SCN9A: variants seen among roughly 807,000 people sequenced by gnomAD.
The protein encoded by SCN9A is sodium voltage-gated channel alpha subunit 9.
A neutral mutation model predicts 187.0 loss-of-function variants in SCN9A; 131 were observed. The observed-to-expected ratio is 0.70, with a 90% CI of 0.61 to 0.81. SCN9A has a LOEUF of 0.81. Among genes scored for constraint, SCN9A ranks in the 30% least tolerant of loss-of-function variants. The pLI is 0.00. For missense variants in SCN9A, 2,252 were observed against 2,396.6 expected, an observed-to-expected ratio of 0.94 and a Z score of 1.26; for synonymous variants, 809 against 808.6, an observed-to-expected ratio of 1.00 and a Z score of -0.01.
At chr2:166,316,689 G>A (rs538700995) in intron 1 of SCN9A, among the ~76,000 whole-genome samples, 3 of 152,292 alleles carry the variant, frequency 2.0e-5, no homozygotes, top group African/African-American at 7.2e-5. Context: ...GCGAGACTCC[G>A]TCTCAAATAA....
chr2:166,293,239 A>G lies in SCN9A; in HGVS notation c.1099T>C (p.Tyr367His), dbSNP rs200457046. Reference sequence around the variant, plus strand: ...TTTCTCTTGGTACTCACCTGTTGGTAAAGGTTTTCCCAGTAATCTTGGGTC... The same window carrying G: ...TTTCTCTTGGTACTCACCTGTTGGTGAAGGTTTTCCCAGTAATCTTGGGTC... ...LMTQDYWENL[Y>H]QQTLRAAGKT... The change falls in exon 9 of 27, where the codon TAC becomes CAC. Residue 367 changes from tyrosine (Y) to histidine (H), a missense_variant. By Grantham distance (83) the Tyr-to-His change is moderately conservative. Around this residue, in one of 7 missense-constraint regions of SCN9A, gnomAD observed 1,013 missense variants for 997.4 expected, o/e 1.02. Transcript: ENST00000642356. 1.2e-4 allele frequency: 197 copies of G among 1,582,176 alleles called. No homozygotes were observed. Among genetic ancestry groups the G allele is most frequent in the Admixed American group, 1.6e-4 (9 of 55,360 alleles).
intron 1 of SCN9A, among the ~76,000 whole-genome samples, chr2:166,368,987 CAAA>C (rs1329733105): frequency 1.6e-5 from 2 of 122,750 alleles, no homozygotes; most frequent in Non-Finnish European, 3.5e-5. Context: ...AACTCGGTCT[CAAA>C]AAAAAAAAAA....
At chr2:166,275,354 G>C (rs538141709) in intron 16 of SCN9A, among the ~76,000 whole-genome samples, 1 of 152,044 alleles carries the variant, frequency 6.6e-6, no homozygotes, top group South Asian at 2.1e-4. Context: ...GGAGGCGACG[G>C]AGGCTGGATC....
chr2:166,231,620 C>T (rs562822335), intron 21 of SCN9A, among the ~76,000 whole-genome samples: 4 of 136,550 alleles, frequency 2.9e-5, no homozygotes, highest in African/African-American at 1.1e-4. Context: ...TGCATGATCT[C>T]GGCTCACTGC....
chr2:166,375,282 G>A (rs1296256196), intron 1 of SCN9A, among the ~76,000 whole-genome samples: 2 of 152,226 alleles, frequency 1.3e-5, no homozygotes, highest in Non-Finnish European at 2.9e-5. Context: ...CAGCTTTGCA[G>A]ATGGGAAATA....
chr2:166,306,715 A>G (rs1698770508), intron 3 of SCN9A, 116 bp from the exon 4 acceptor site: 1 of 777,886 alleles, frequency 1.3e-6, no homozygotes, highest in South Asian at 1.5e-5. Context: ...ATGAGCTTGT[A>G]GACTATTTTG....
At chr2:166,329,384 GTTCAT>G (rs1440336944) in intron 1 of SCN9A, among the ~76,000 whole-genome samples, 1 of 151,756 alleles carries the variant, frequency 6.6e-6, no homozygotes, top group Admixed American at 6.6e-5. Flanking sequence ...CCTTTAATAG[GTTCAT>G]TTCATTTTAC....
At chr2:166,253,851 A>G (rs1696153408) in intron 17 of SCN9A, among the ~76,000 whole-genome samples, 3 of 151,822 alleles carry the variant, frequency 2.0e-5, no homozygotes, top group Non-Finnish European at 4.4e-5. Flanking sequence ...GCTATTAGAC[A>G]CAATATTAAC....
chr2:166,215,390 T>C (rs1275010128), intron 24 of SCN9A, among the ~76,000 whole-genome samples: 2 of 151,986 alleles, frequency 1.3e-5, no homozygotes, highest in Non-Finnish European at 2.9e-5. Flanking sequence ...TCTTAGAGAT[T>C]AGAAAAAGAA....
rs202241586 is a variant in SCN9A, at chr2:166,306,962, A to G, written c.371T>C (p.Val124Ala). 12 of 1,541,592 alleles carry G rather than the reference A, an allele frequency of 7.8e-6. No individual in the cohort carries two copies. Among genetic ancestry groups the G allele is most frequent in the South Asian group, 1.1e-5 (1 of 88,692 alleles). ...ATCATTTTTAAAAGGATATGAGTGT[A>G]CTAAAATCTTAATAGATATTCTTCT... ...PLRRISIKIL[V>A]HSLFSMLIMC... Residue 124 changes from valine to alanine, a missense_variant, in exon 3 of 27, where the codon GTA becomes GCA. Physicochemically the swap from Val to Ala is moderately conservative, Grantham distance 64. Around this residue, in one of 7 missense-constraint regions of SCN9A, gnomAD observed 1,013 missense variants for 997.4 expected, o/e 1.02. Coordinates refer to ENST00000642356, the MANE Select transcript of SCN9A (RefSeq NM_001365536.1).
At chr2:166,288,110 TATATATATATAC>T (rs1559014267) in intron 10 of SCN9A, among the ~76,000 whole-genome samples, 1 of 113,634 alleles carries the variant, frequency 8.8e-6, no homozygotes, top group African/African-American at 3.3e-5. Flanking sequence ...TATATATATA[TATATATATATAC>T]ACACACATTT....
intron 1 of SCN9A, among the ~76,000 whole-genome samples, chr2:166,342,426 T>A (rs2105284273): frequency 6.6e-6 from 1 of 152,250 alleles, no homozygotes; most frequent in East Asian, 1.9e-4. Context: ...GGTGATAATA[T>A]CTATAGGACC....
intron 24 of SCN9A, among the ~76,000 whole-genome samples, chr2:166,219,624 G>C (rs549185164): frequency 6.6e-6 from 1 of 151,724 alleles, no homozygotes; most frequent in Non-Finnish European, 1.5e-5. Flanking sequence ...ATGCATACTG[G>C]GATTAATACC....
intron 1 of SCN9A, among the ~76,000 whole-genome samples, chr2:166,353,742 C>T (rs375570049): frequency 1.3e-5 from 2 of 152,134 alleles, no homozygotes; most frequent in African/African-American, 2.4e-5. Context: ...TATCTCCAGT[C>T]TGCTTTGAGC....
chr2:166,349,449 TTTTA>T (rs1699980764), intron 1 of SCN9A, among the ~76,000 whole-genome samples: 2 of 152,232 alleles, frequency 1.3e-5, no homozygotes, highest in Admixed American at 6.5e-5. Context: ...AATAGTCTCA[TTTTA>T]TTTATTTCAA....
rs1697325042 is a variant in SCN9A at position 166,278,246 on chromosome 2, A to C, written c.2411T>G (p.Phe804Cys). ...KLIAMDPYEY[F>C]QVGWNIFDSL... ...GTCAAAAATATTCCAGCCTACTTGG[A>C]AATACTCATATGGATCCATGGCAAT... Residue 804 changes from phenylalanine to cysteine, a missense_variant, in exon 15 of 27, where the codon TTC becomes TGC. Transcript: ENST00000642356. 6.2e-7 allele frequency: 1 copy of C among 1,612,620 alleles called. No homozygotes were observed. Among genetic ancestry groups the C allele is most frequent in the Admixed American group, 1.7e-5 (1 of 59,880 alleles).
At chr2:166,224,283 C>T (rs1284232337) in intron 24 of SCN9A, among the ~76,000 whole-genome samples, 1 of 151,980 alleles carries the variant, frequency 6.6e-6, no homozygotes, top group Non-Finnish European at 1.5e-5. Context: ...TCAGTGTACA[C>T]TTTATAAATG....
At chr2:166,345,943 C>T (rs900525772) in intron 1 of SCN9A, among the ~76,000 whole-genome samples, 24 of 152,160 alleles carry the variant, frequency 1.6e-4, no homozygotes, top group African/African-American at 5.8e-4. Flanking sequence ...CTGAATCTAG[C>T]TTCCTCCCTG....
chr2:166,207,291 G>A (rs909571282), intron 24 of SCN9A, among the ~76,000 whole-genome samples: 1 of 151,938 alleles, frequency 6.6e-6, no homozygotes, highest in African/African-American at 2.4e-5. Flanking sequence ...TCTTGGATTT[G>A]GTAATATTCA....
Sources: gnomAD v4.1 joint callset for allele counts (sites outside exome capture counted in the v4.1 genomes callset) on GRCh38, gnomAD v4.1.1 for gene constraint, gnomAD v4.1.1 regional missense constraint, MANE v1.5 for transcripts, NCBI Gene and HGNC (gene_info 2026-07-23, HGNC 2026-07-21) for gene names.